Variants in ADGRV1 observed in about 807,000 individuals in gnomAD.
ADGRV1 encodes the protein adhesion G protein-coupled receptor V1.
ADGRV1 carries 359 observed loss-of-function variants against 596.2 expected under a neutral mutation model. That is an observed-to-expected ratio of 0.60 (90% CI 0.55 to 0.66). The LOEUF (loss-of-function observed/expected upper bound fraction) is 0.66. Among genes scored for constraint, ADGRV1 ranks in the 30% least tolerant of loss-of-function variants. The pLI, the probability that ADGRV1 is intolerant of heterozygous loss-of-function variation, is 0.00. For synonymous variants in ADGRV1, 2,681 were observed against 2,679.2 expected (o/e 1.00, Z -0.02); for missense variants, 7,274 against 7,575.6 (o/e 0.96, Z 1.48).
chr5:91,095,174 G>A (rs908821108), intron 86 of ADGRV1, among the ~76,000 whole-genome samples: 3 of 152,012 alleles, frequency 2.0e-5, no homozygotes, highest in African/African-American at 7.3e-5. Flanking sequence ...ATGAGGTGGA[G>A]GGTGTTTCTT....
chr5:91,106,357 G>T (rs576611308), intron 87 of ADGRV1, among the ~76,000 whole-genome samples: 1 of 152,184 alleles, frequency 6.6e-6, no homozygotes, highest in South Asian at 2.1e-4. Context: ...ATGCTGTTTT[G>T]GTTACTATAG....
chr5:90,566,665 T>G (rs1464664461), intron 1 of ADGRV1, among the ~76,000 whole-genome samples: 1 of 152,154 alleles, frequency 6.6e-6, no homozygotes, highest in Non-Finnish European at 1.5e-5. Flanking sequence ...AACAATTGAT[T>G]CTTGTATATT....
intron 5 of ADGRV1, among the ~76,000 whole-genome samples, chr5:90,624,253 A>G (rs1764457861): frequency 6.6e-6 from 1 of 152,238 alleles, no homozygotes; most frequent in East Asian, 1.9e-4. Flanking sequence ...TGGAAGCATT[A>G]CACAGTTTTT....
chr5:90,823,096 C>G (rs542851740), intron 75 of ADGRV1, among the ~76,000 whole-genome samples: 19 of 152,318 alleles, frequency 1.2e-4, no homozygotes, highest in African/African-American at 4.6e-4. Flanking sequence ...TTGACTTCCT[C>G]TTTTCCTAAT....
chr5:90,774,570 T>C (rs763103381), intron 60 of ADGRV1, among the ~76,000 whole-genome samples: 4 of 152,136 alleles, frequency 2.6e-5, no homozygotes, highest in Non-Finnish European at 4.4e-5. Context: ...GCAGTGTTTA[T>C]AAAATGTAAA....
intron 75 of ADGRV1, among the ~76,000 whole-genome samples, chr5:90,823,176 A>C (rs1223182391): frequency 1.3e-5 from 2 of 152,238 alleles, no homozygotes; most frequent in Non-Finnish European, 2.9e-5. Context: ...GTATTAGGAT[A>C]CTTATTCATT....
rs564425793 is a variant in ADGRV1, at chr5:90,781,607, A to C, written c.13231+29A>C. 4.4e-5 allele frequency: 69 copies of C among 1,575,322 alleles called. No individual in the cohort carries two copies. The South Asian group carries it at 7.2e-4, about 16-fold the overall frequency. ...GGTTCAGTCAGCTAGCTTGTAAGTA[A>C]GTTTACTACCACTTTCCAAATTACA... On this transcript the variant is annotated intron_variant, in intron 65 of 89. Transcript: ENST00000405460.
At chr5:90,723,366 A>T (rs1466444273) in intron 45 of ADGRV1, among the ~76,000 whole-genome samples, 3 of 152,146 alleles carry the variant, frequency 2.0e-5, no homozygotes, top group African/African-American at 7.2e-5. Context: ...GAGATAATTA[A>T]TAGTGGTATG....
At chr5:90,942,361 A>G (rs1344068526) in intron 83 of ADGRV1, among the ~76,000 whole-genome samples, 4 of 152,228 alleles carry the variant, frequency 2.6e-5, no homozygotes, top group East Asian at 1.9e-4. Context: ...GGAAAAGGCT[A>G]TAACTTGAGT....
chr5:90,635,020 C>G, intron 9 of ADGRV1, 94 bp from the exon 10 acceptor site: 1 of 716,796 alleles, frequency 1.4e-6, no homozygotes. Context: ...TGACCTCTAC[C>G]TACGCTTACT....
At chr5:91,094,447 A>G (rs1365048548) in intron 86 of ADGRV1, among the ~76,000 whole-genome samples, 1 of 148,054 alleles carries the variant, frequency 6.8e-6, no homozygotes, top group East Asian at 2.0e-4. Context: ...CAACAGAGTG[A>G]GAGTCCTTCT....
chr5:90,969,324 A>G (rs1456055088), intron 84 of ADGRV1, among the ~76,000 whole-genome samples: 1 of 152,250 alleles, frequency 6.6e-6, no homozygotes, highest in African/African-American at 2.4e-5. Context: ...ATTTGAAAAC[A>G]TCTTGAATAC....
intron 1 of ADGRV1, among the ~76,000 whole-genome samples, chr5:90,596,056 T>G (rs1210625544): frequency 1.1e-4 from 12 of 112,040 alleles, no homozygotes; most frequent in East Asian, 2.7e-4. Flanking sequence ...GGGCGGAGGG[T>G]CTCCTCACTT....
At chr5:91,041,403 A>G (rs369384967) in intron 85 of ADGRV1, among the ~76,000 whole-genome samples, 17 of 151,946 alleles carry the variant, frequency 1.1e-4, no homozygotes, top group East Asian at 3.9e-4. Flanking sequence ...ACCAAACACC[A>G]CATGTTCTCA....
intron 87 of ADGRV1, 129 bp downstream of exon 87, chr5:91,102,469 G>A (rs1791472486): frequency 2.9e-6 from 2 of 679,554 alleles, no homozygotes; most frequent in Non-Finnish European, 4.4e-6. Context: ...ATCATATAGA[G>A]TTGTAAAATA....
intron 83 of ADGRV1, among the ~76,000 whole-genome samples, chr5:90,948,152 A>G (rs1350086417): frequency 6.6e-6 from 1 of 152,136 alleles, no homozygotes; most frequent in Non-Finnish European, 1.5e-5. Flanking sequence ...TCAGAAAGTT[A>G]AGTAACTTCC....
intron 83 of ADGRV1, among the ~76,000 whole-genome samples, chr5:90,896,999 G>A (rs1771391918): frequency 1.3e-5 from 2 of 152,342 alleles, no homozygotes; most frequent in South Asian, 4.1e-4. Context: ...GACAGGTTAG[G>A]AAATTTGAAT....
chr5:91,083,337 C>T (rs1210888118), intron 86 of ADGRV1, among the ~76,000 whole-genome samples: 1 of 152,000 alleles, frequency 6.6e-6, no homozygotes, highest in Non-Finnish European at 1.5e-5. Flanking sequence ...CACATGTATA[C>T]ATATGTAACA....
chr5:90,733,036 T>C (rs1752754073), intron 50 of ADGRV1, among the ~76,000 whole-genome samples: 1 of 152,184 alleles, frequency 6.6e-6, no homozygotes, highest in African/African-American at 2.4e-5. Flanking sequence ...TAGAATATGC[T>C]GGATGAAGTA....
Sources: allele counts gnomAD v4.1 joint callset (sites outside exome capture counted in the v4.1 genomes callset), GRCh38; gene constraint gnomAD v4.1.1; transcripts MANE v1.5; gene names NCBI Gene and HGNC (gene_info 2026-07-23, HGNC 2026-07-21).